RPL34: variants seen among roughly 807,000 people sequenced by gnomAD.
RPL34 encodes the protein ribosomal protein L34, also known as large ribosomal subunit protein eL34.
RPL34 carries 2 observed loss-of-function variants against 16.3 expected under a neutral mutation model. The observed-to-expected ratio is 0.12, with a 90% CI of 0.05 to 0.39. The LOEUF is 0.39. RPL34 is among the 10% of genes least tolerant of loss of function. The pLI is 0.99. For missense variants in RPL34, 82 were observed against 148.8 expected, an observed-to-expected ratio of 0.55 and a Z score of 2.33; for synonymous variants, 47 against 48.5, an observed-to-expected ratio of 0.97 and a Z score of 0.13.
chr4:108,624,516 A>G (rs1435997676), intron 4 of RPL34, among the ~76,000 whole-genome samples: 5 of 152,028 alleles, frequency 3.3e-5, no homozygotes, highest in Non-Finnish European at 7.4e-5. Context: ...CATAAAATGC[A>G]CTCCTAGATG....
At chr4:108,621,693 C>CT (rs1725782306) in intron 1 of RPL34, 1 of 389,054 alleles carries the variant, frequency 2.6e-6, no homozygotes, top group Admixed American at 3.8e-5. Context: ...AAATTAGACT[C>CT]TGAGTAAGGA....
downstream of RPL34, among the ~76,000 whole-genome samples, chr4:108,628,069 G>A (rs1481580799): frequency 1.3e-5 from 2 of 152,020 alleles, no homozygotes; most frequent in Non-Finnish European, 2.9e-5. Context: ...GTAATGACCG[G>A]GCACCCTAAT....
chr4:108,623,345 G>T (rs1424128939), intron 4 of RPL34: 4 of 152,130 alleles, frequency 2.6e-5, no homozygotes, highest in Admixed American at 2.6e-4. Context: ...AAAAAAAAGG[G>T]AAAGAAAGAA....
downstream of RPL34, chr4:108,630,286 C>T (rs1185190624): frequency 6.6e-6 from 1 of 152,070 alleles, no homozygotes; most frequent in Non-Finnish European, 1.5e-5. Context: ...GTACCAGGAG[C>T]TCTGATATAT....
intron 1 of RPL34, 111 bp from the exon 2 acceptor site, chr4:108,621,840 G>C: frequency 1.4e-6 from 1 of 721,768 alleles, no homozygotes; most frequent in African/African-American, 1.8e-5. Context: ...TAATTTAAGG[G>C]TGTTACATAC....
Position 108,622,550 on chromosome 4 carries a change from G to A in RPL34, c.201G>A (p.Leu67=). 7 of 1,611,084 alleles carry A rather than the reference G, an allele frequency of 4.3e-6. No homozygotes were observed. The highest frequency in any genetic ancestry group is 1.1e-5 in the South Asian group (1 of 90,488). Residue 67 remains leucine (L), a synonymous_variant, in exon 4 of 5, where the codon TTG becomes TTA. Coordinates refer to ENST00000394667, the MANE Select transcript of RPL34 (RefSeq NM_001319236.2). ...TAAGACCTAAAGTTCTTATGAGATT[G>A]TCCAAAACAAAGAAACATGTCAGCA... ...RAVRPKVLMR[L]SKTKKHVSRA...
At chr4:108,621,896 G>A (rs1439863981) in intron 1 of RPL34, 55 bp from the exon 2 acceptor site, 50 of 1,187,484 alleles carry the variant, frequency 4.2e-5, no homozygotes, top group Non-Finnish European at 5.9e-5. Context: ...ACTGTTTTGA[G>A]ATTTTATTTA....
chr4:108,629,826 A>AT (rs1726121416), downstream of RPL34, among the ~76,000 whole-genome samples: 1 of 152,230 alleles, frequency 6.6e-6, no homozygotes, highest in Admixed American at 6.5e-5. Context: ...TACCCCAGTG[A>AT]TTAAGAGCTT....
At chr4:108,629,037 C>G (rs1449124064), downstream of RPL34, among the ~76,000 whole-genome samples, 1 of 152,102 alleles carries the variant, frequency 6.6e-6, no homozygotes, top group Non-Finnish European at 1.5e-5. Context: ...AGGCTGGTCT[C>G]GAACTCCTGA....
chr4:108,625,754 A>G (rs1266157026), downstream of RPL34, among the ~76,000 whole-genome samples: 2 of 152,160 alleles, frequency 1.3e-5, no homozygotes, highest in Admixed American at 6.6e-5. Context: ...TGACAGCTCT[A>G]CCGCTGCATT....
intron 4 of RPL34, among the ~76,000 whole-genome samples, chr4:108,624,014 G>A (rs1725891284): frequency 6.6e-6 from 1 of 152,214 alleles, no homozygotes; most frequent in African/African-American, 2.4e-5. Context: ...AGAAATGGAA[G>A]TGTACATTGG....
downstream of RPL34, among the ~76,000 whole-genome samples, chr4:108,628,887 A>G (rs1291791425): frequency 3.3e-5 from 5 of 152,158 alleles, no homozygotes; most frequent in East Asian, 7.7e-4. Flanking sequence ...CAGTGACGCG[A>G]TCTCAGCTTA....
At position 108,622,624 on chromosome 4, in the gene RPL34, T is replaced by C. The variant is rs371621508; in HGVS notation, c.269+6T>C. The C allele has an allele frequency of 8.5e-6, 13 of 1,529,938 alleles. No individual in the cohort carries two copies. In the East Asian group the frequency reaches 1.1e-4, roughly 13 times the overall value. 94.8% of individuals were successfully genotyped at this position (1,529,938 alleles called of 1,614,324 possible). A position where few individuals can be genotyped will look rare whatever the true frequency, so the allele number is the denominator to read the frequency against. On this transcript the variant is annotated splice_donor_region_variant and intron_variant, in intron 4 of 4. Transcript: ENST00000394667. ...GCTAAATGTGTTCGTGACAGGTAAGTTAAATGCTTAAATGGGCTTTCCTTA... is the reference window on the plus strand; with the variant it reads ...GCTAAATGTGTTCGTGACAGGTAAGCTAAATGCTTAAATGGGCTTTCCTTA...
chr4:108,626,081 A>G (rs1235192984), downstream of RPL34, among the ~76,000 whole-genome samples: 1 of 152,176 alleles, frequency 6.6e-6, no homozygotes, highest in Non-Finnish European at 1.5e-5. Context: ...TCTGATCTAC[A>G]TTGGATTTAT....
exon 5 of RPL34, chr4:108,625,355 CTTGTTTTGTTTGTTGTTTGT>C: frequency 1.9e-6 from 1 of 527,350 alleles, no homozygotes; most frequent in Non-Finnish European, 3.4e-6. Context: ...ATTACTTTTT[CTTGTTTTGTTTGTTGTTTGT>C]TTGTTTTTGG....
At chr4:108,628,783 A>G (rs1004482281), downstream of RPL34, among the ~76,000 whole-genome samples, 39 of 152,186 alleles carry the variant, frequency 2.6e-4, no homozygotes, top group African/African-American at 9.2e-4. Flanking sequence ...GAAAGTTTGG[A>G]AAAATAGAAT....
chr4:108,626,725 C>G (rs1207529131), downstream of RPL34, among the ~76,000 whole-genome samples: 1 of 152,048 alleles, frequency 6.6e-6, no homozygotes, highest in Non-Finnish European at 1.5e-5. Context: ...AGGCGTGAGC[C>G]CTTGCACCCG....
chr4:108,622,053 T>C (rs774729998), intron 2 of RPL34, 29 bp downstream of exon 2: 2 of 1,596,880 alleles, frequency 1.3e-6, no homozygotes, highest in South Asian at 1.1e-5. Flanking sequence ...TTTAAGTATA[T>C]ATTGTCATTT....
intron 1 of RPL34, chr4:108,621,590 A>G: frequency 4.0e-6 from 1 of 251,726 alleles, no homozygotes; most frequent in Non-Finnish European, 8.0e-6. Flanking sequence ...ATAGCTAAGG[A>G]TTCGACTTCA....
Sources: gnomAD v4.1 joint callset for allele counts (sites outside exome capture counted in the v4.1 genomes callset) on GRCh38, gnomAD v4.1.1 for gene constraint, MANE v1.5 for transcripts, NCBI Gene and HGNC (gene_info 2026-07-23, HGNC 2026-07-21) for gene names.